Variants in CHODL observed in about 807,000 individuals in gnomAD.
The protein encoded by CHODL is transmembrane protein MT75.
A neutral mutation model predicts 34.5 loss-of-function variants in CHODL; 29 were observed. The ratio of observed to expected loss-of-function variants is 0.84; its 90% CI spans 0.63 to 1.15. The LOEUF is 1.15. Ranked by LOEUF, CHODL falls within the 50% of genes most tolerant of loss-of-function variation. CHODL has a pLI of 0.00. For missense variants in CHODL, 332 were observed against 332.5 expected, an observed-to-expected ratio of 1.00 and a Z score of 0.01; for synonymous variants, 125 against 116.1, an observed-to-expected ratio of 1.08 and a Z score of -0.49.
chr21:18,195,791 C>A (rs1054922028), intron 2 of CHODL, among the ~76,000 whole-genome samples: 1 of 152,080 alleles, frequency 6.6e-6, no homozygotes. Context: ...TATTGTTCAC[C>A]ACTGTATCCC....
chr21:18,245,096 TG>T lies in CHODL; in HGVS notation c.-125del. 2 of 761,276 alleles carry T rather than the reference TG, an allele frequency of 2.6e-6. No individual in the cohort carries two copies. Among genetic ancestry groups the T allele is most frequent in the Non-Finnish European group, 3.8e-6 (2 of 519,926 alleles). The allele number at this position is 761,276 out of a possible 1,614,324, so 47.2% of individuals were successfully genotyped here. A position where few individuals can be genotyped will look rare whatever the true frequency, so the allele number is the denominator to read the frequency against. ...CGATGCGCGCAGGGGGTCGGGCAGCTGGGCTCGGGCGGCGGGAGTAGGGCCC... is the reference window on the plus strand; with the variant it reads ...CGATGCGCGCAGGGGGTCGGGCAGCTGGCTCGGGCGGCGGGAGTAGGGCCC... On this transcript the variant is annotated 5_prime_UTR_variant, in exon 1 of 6. An upstream open reading frame in the 5' UTR loses its in-frame stop. Transcript: ENST00000299295.
chr21:18,077,387 T>A (rs981694736), intron 2 of CHODL, among the ~76,000 whole-genome samples: 2 of 152,182 alleles, frequency 1.3e-5, no homozygotes, highest in African/African-American at 4.8e-5. Context: ...ACTTTTGAGT[T>A]AATGCTGGAG....
intron 2 of CHODL, among the ~76,000 whole-genome samples, chr21:18,179,107 C>G (rs1184258504): frequency 6.6e-6 from 1 of 152,076 alleles, no homozygotes; most frequent in Non-Finnish European, 1.5e-5. Context: ...TGCTTTCAAA[C>G]CTTTGAAACC....
At chr21:18,136,643 G>A (rs1688188) in intron 2 of CHODL, among the ~76,000 whole-genome samples, 3 of 149,490 alleles carry the variant, frequency 2.0e-5, no homozygotes, top group Non-Finnish European at 4.4e-5. Context: ...ACATATACAC[G>A]TTGGGGCCAA....
At chr21:17,988,748 A>G (rs961953086) in intron 1 of CHODL, among the ~76,000 whole-genome samples, 1 of 151,306 alleles carries the variant, frequency 6.6e-6, no homozygotes, top group African/African-American at 2.4e-5. Flanking sequence ...TTGTGGCTGC[A>G]TAGTATTCCA....
intron 1 of CHODL, among the ~76,000 whole-genome samples, chr21:18,018,848 G>A (rs573073958): frequency 2.2e-4 from 34 of 152,170 alleles, no homozygotes; most frequent in Non-Finnish European, 4.6e-4. Context: ...TTTATAAAGC[G>A]GGGAATTGCA....
intron 1 of CHODL, among the ~76,000 whole-genome samples, chr21:18,252,925 C>T (rs920025585): frequency 1.3e-5 from 2 of 152,118 alleles, no homozygotes; most frequent in African/African-American, 2.4e-5. Flanking sequence ...CACAGCCTGG[C>T]ACAGAGAGTG....
chr21:18,004,572 A>G (rs1385822820), intron 1 of CHODL, among the ~76,000 whole-genome samples: 2 of 152,186 alleles, frequency 1.3e-5, no homozygotes, highest in African/African-American at 2.4e-5. Context: ...GGACAATTCA[A>G]TTTTTACAGC....
chr21:17,978,661 T>G (rs929574150), intron 1 of CHODL, among the ~76,000 whole-genome samples: 9 of 149,786 alleles, frequency 6.0e-5, no homozygotes, highest in African/African-American at 2.0e-4. Context: ...GAGCTTGCAG[T>G]GAGCCGAGAT....
intron 2 of CHODL, among the ~76,000 whole-genome samples, chr21:18,103,842 C>G (rs147089475): frequency 0.011 from 1,657 of 152,294 alleles, 27 homozygotes; most frequent in Middle Eastern, 0.078. Context: ...AACATCCTTT[C>G]TGTCACATTC....
chr21:18,253,691 T>C (rs924913906), intron 1 of CHODL, among the ~76,000 whole-genome samples: 1 of 152,180 alleles, frequency 6.6e-6, no homozygotes, highest in Non-Finnish European at 1.5e-5. Context: ...TTTCTGTTAA[T>C]TTGGGACTTT....
chr21:18,209,654 G>T (rs1473308561), intron 2 of CHODL, among the ~76,000 whole-genome samples: 1 of 152,138 alleles, frequency 6.6e-6, no homozygotes, highest in African/African-American at 2.4e-5. Context: ...AGCCAGCACA[G>T]CTCTGAGTCT....
chr21:17,966,059 G>C (rs527312116), intron 1 of CHODL, among the ~76,000 whole-genome samples: 1 of 151,758 alleles, frequency 6.6e-6, no homozygotes, highest in African/African-American at 2.4e-5. Context: ...AATATTATAT[G>C]TCTAACGGAA....
At chr21:18,133,078 A>G (rs2072676280) in intron 2 of CHODL, among the ~76,000 whole-genome samples, 1 of 150,930 alleles carries the variant, frequency 6.6e-6, no homozygotes, top group Non-Finnish European at 1.5e-5. Flanking sequence ...TACACTCCAT[A>G]ATAATAAAAA....
At chr21:18,167,677 T>C (rs1319394548) in intron 2 of CHODL, among the ~76,000 whole-genome samples, 2 of 152,196 alleles carry the variant, frequency 1.3e-5, no homozygotes, top group Admixed American at 1.3e-4. Context: ...CCACTTTATC[T>C]TTGTATCTGT....
chr21:18,103,169 A>G (rs1372951895), intron 2 of CHODL, among the ~76,000 whole-genome samples: 1 of 152,218 alleles, frequency 6.6e-6, no homozygotes, highest in Non-Finnish European at 1.5e-5. Flanking sequence ...ATTTAATTCA[A>G]TGGATGGTTG....
chr21:18,243,001 G>A (rs1177860796), upstream of CHODL, among the ~76,000 whole-genome samples: 1 of 152,174 alleles, frequency 6.6e-6, no homozygotes, highest in Non-Finnish European at 1.5e-5. Flanking sequence ...CTGGGCATGA[G>A]TAACTGAGAG....
In CHODL at chr21:17,953,883, G is replaced by A. The variant is rs140775674; in HGVS notation, c.-145+36483G>A. On this transcript the variant is annotated intron_variant, in intron 1 of 6. Coordinates refer to the CHODL transcript ENST00000400127. ...ACATTAGCTGGGTGTGGTGGTGCGT[G>A]CCTGTAATCCTAGCTACTCAGGAGG... Among the ~76,000 whole-genome samples, 459 of 152,150 alleles carry A rather than the reference G, an allele frequency of 3.0e-3. 1 individual carries two copies. Among genetic ancestry groups the A allele is most frequent in the African/African-American group, 0.01 (432 of 41,512 alleles).
Position 18,266,283 on chromosome 21 carries a change from A to G in CHODL, c.*245A>G. 2.4e-6 allele frequency: 3 copies of G among 1,266,268 alleles called. No individual in the cohort carries two copies. The South Asian group carries it at 4.8e-5, about 20-fold the overall frequency. The allele number at this position is 1,266,268 out of a possible 1,614,324, so 78.4% of individuals were successfully genotyped here. A position where few individuals can be genotyped will look rare whatever the true frequency, so the allele number is the denominator to read the frequency against. Reference sequence around the variant, plus strand: ...GGATGCACCCAAACTTCAAACTTCAAGCAAATGAAATGGACAATGCAGATA... The same window carrying G: ...GGATGCACCCAAACTTCAAACTTCAGGCAAATGAAATGGACAATGCAGATA... On this transcript the variant is annotated 3_prime_UTR_variant, in exon 6 of 6. Transcript: ENST00000299295.
Sources: gnomAD v4.1 joint callset for allele counts (sites outside exome capture counted in the v4.1 genomes callset) on GRCh38, gnomAD v4.1.1 for gene constraint, MANE v1.5 for transcripts, NCBI Gene and HGNC (gene_info 2026-07-23, HGNC 2026-07-21) for gene names.